The following ACTR3B variants were observed in gnomAD, a reference collection of about 807,000 sequenced individuals.
ACTR3B encodes actin related protein 3B.
A neutral mutation model predicts 59.0 loss-of-function variants in ACTR3B; 8 were observed. The observed-to-expected ratio is 0.14, with a 90% CI of 0.08 to 0.24. The LOEUF is 0.24. Among genes scored for constraint, ACTR3B ranks in the 10% least tolerant of loss-of-function variants. The pLI is 1.00. For missense variants in ACTR3B, 245 were observed against 552.3 expected (o/e 0.44, Z 5.58); for synonymous variants, 148 against 197.9 (o/e 0.75, Z 2.12).
chr7:152,813,823 C>A (rs2116818320), intron 4 of ACTR3B: 1 of 136,840 alleles, frequency 7.3e-6, no homozygotes, highest in South Asian at 2.6e-4. Context: ...GCTACCACGC[C>A]TGCCCCTGGA....
chr7:152,767,835 A>G (rs4725842), intron 1 of ACTR3B, among the ~76,000 whole-genome samples: 3,176 of 151,816 alleles, frequency 0.021, 102 homozygotes, highest in African/African-American at 0.072. Context: ...TTTTCATGGT[A>G]GTTACTCATT....
intron 8 of ACTR3B, 122 bp downstream of exon 8, chr7:152,823,637 T>C (rs2092693300): frequency 1.6e-6 from 2 of 1,243,264 alleles, no homozygotes; most frequent in African/African-American, 2.9e-5. Context: ...TCGGTCTCTC[T>C]GCATCCCCTG....
At chr7:152,808,986 T>C (rs35911504) in intron 4 of ACTR3B, among the ~76,000 whole-genome samples, 4,458 of 152,064 alleles carry the variant, frequency 0.029, 95 homozygotes, top group Middle Eastern at 0.097. Context: ...CTCTTACTCA[T>C]GTGCTTTAAA....
chr7:152,808,942 G>T (rs529721922), intron 4 of ACTR3B, among the ~76,000 whole-genome samples: 1 of 152,268 alleles, frequency 6.6e-6, no homozygotes, highest in East Asian at 1.9e-4. Flanking sequence ...TAGCTTAAGA[G>T]AGAGATTGTA....
intron 1 of ACTR3B, among the ~76,000 whole-genome samples, chr7:152,775,681 C>A (rs2116563939): frequency 6.6e-6 from 1 of 151,962 alleles, no homozygotes; most frequent in South Asian, 2.1e-4. Flanking sequence ...ATCGCTTGAA[C>A]CCAGGAGGCG....
intron 6 of ACTR3B, among the ~76,000 whole-genome samples, chr7:152,819,610 G>A (rs2689602): frequency 0.028 from 4,216 of 151,830 alleles, 92 homozygotes; most frequent in Middle Eastern, 0.099. Flanking sequence ...TCGGCCCAGG[G>A]CGTGGTCACC....
rs1409580278 is a variant in ACTR3B at position 152,836,474 on chromosome 7, C to A, written c.951+11352C>A. Among the ~76,000 whole-genome samples the A allele has an allele frequency of 3.3e-5, 5 of 151,938 alleles. No individual in the cohort carries two copies. The East Asian group carries it at 9.7e-4, about 30-fold the overall frequency. Reference sequence around the variant, plus strand: ...TGGTGGAACGCACCTGTGGTCCCAGCTACTTGGGAGGCTGAGGTGGGAGGA... The same window carrying A: ...TGGTGGAACGCACCTGTGGTCCCAGATACTTGGGAGGCTGAGGTGGGAGGA... On this transcript the variant is annotated intron_variant, in intron 9 of 11. Coordinates refer to ENST00000256001, the MANE Select transcript of ACTR3B (RefSeq NM_020445.6).
intron 2 of ACTR3B, among the ~76,000 whole-genome samples, chr7:152,787,100 A>G (rs1460822589): frequency 6.6e-6 from 1 of 152,140 alleles, no homozygotes; most frequent in Non-Finnish European, 1.5e-5. Context: ...CTAATTAGGT[A>G]TTGCCACGTT....
chr7:152,821,164 G>A (rs1796119393), intron 7 of ACTR3B, among the ~76,000 whole-genome samples: 2 of 152,122 alleles, frequency 1.3e-5, no homozygotes, highest in Non-Finnish European at 2.9e-5. Flanking sequence ...GGAAGACGTG[G>A]TCCCTTCCAT....
chr7:152,771,957 C>T (rs2689505), intron 1 of ACTR3B, among the ~76,000 whole-genome samples: 55 of 149,738 alleles, frequency 3.7e-4, no homozygotes, highest in African/African-American at 1.3e-3. Flanking sequence ...TCCAGCTACT[C>T]GGGAAGCTGA....
chr7:152,789,904 TAAAA>T (rs578155044), intron 2 of ACTR3B, among the ~76,000 whole-genome samples: 1 of 151,842 alleles, frequency 6.6e-6, no homozygotes, highest in African/African-American at 2.4e-5. Context: ...TTTTTTTAAT[TAAAA>T]AAATCATGAA....
At chr7:152,835,306 G>A (rs1797360246) in intron 9 of ACTR3B, among the ~76,000 whole-genome samples, 1 of 152,154 alleles carries the variant, frequency 6.6e-6, no homozygotes, top group South Asian at 2.1e-4. Context: ...AGGCTGAAGT[G>A]TAGTGCTTGA....
rs772763156 is a variant in ACTR3B at position 152,816,528 on chromosome 7, A to G, written c.480A>G (p.Glu160=). ...CTTGGACATCTCGACAAGTGGGTGA[A>G]CGTACGTTAACGGGGATAGTCATTG... ...AASWTSRQVG[E]RTLTGIVIDS... Residue 160 remains glutamate, a synonymous_variant, in exon 6 of 12, where the codon GAA becomes GAG. Coordinates refer to ENST00000256001, the MANE Select transcript of ACTR3B (RefSeq NM_020445.6). 1.9e-6 allele frequency: 3 copies of G among 1,607,840 alleles called. No individual in the cohort carries two copies. Among genetic ancestry groups the G allele is most frequent in the Non-Finnish European group, 2.5e-6 (3 of 1,176,886 alleles).
Position 152,852,152 on chromosome 7 carries a change from C to T in ACTR3B, c.978C>T (p.Thr326=). The change falls in exon 10 of 12, where the codon ACC becomes ACT. Residue 326 remains threonine, a synonymous_variant. Transcript: ENST00000256001. The part of the protein sequence containing the change: ...YKNVVLSGGS[T]MFRDFGRRLQ... ...ATGTCGTACTCTCAGGAGGCTCCAC[C>T]ATGTTCAGGGATTTCGGACGCCGAC... The T allele has an allele frequency of 6.2e-7, 1 of 1,614,054 alleles. No homozygotes were observed. The highest frequency in any genetic ancestry group is 8.5e-7 in the Non-Finnish European group (1 of 1,179,988).
At chr7:152,775,658 C>T (rs2098134598) in intron 1 of ACTR3B, among the ~76,000 whole-genome samples, 1 of 151,832 alleles carries the variant, frequency 6.6e-6, no homozygotes. Context: ...ACTCAGGAGG[C>T]TGAGGCAGGA....
At chr7:152,853,811 G>A in intron 11 of ACTR3B, among the ~76,000 whole-genome samples, 1 of 152,058 alleles carries the variant, frequency 6.6e-6, no homozygotes, top group Admixed American at 6.5e-5. Flanking sequence ...CCGCCTCCCG[G>A]GTTTAAGCAA....
chr7:152,838,098 G>A (rs1171976009), intron 9 of ACTR3B, among the ~76,000 whole-genome samples: 44 of 150,576 alleles, frequency 2.9e-4, no homozygotes, highest in African/African-American at 9.6e-4. Context: ...GGTGGTTGGT[G>A]GTAAGAATGG....
intron 4 of ACTR3B, among the ~76,000 whole-genome samples, chr7:152,803,202 GC>G (rs2098242321): frequency 6.6e-6 from 1 of 152,108 alleles, no homozygotes; most frequent in African/African-American, 2.4e-5. Flanking sequence ...GAAGCCACTA[GC>G]CTGGCTAATT....
chr7:152,822,875 C>T (rs1213679443), intron 7 of ACTR3B, among the ~76,000 whole-genome samples: 2 of 152,168 alleles, frequency 1.3e-5, no homozygotes, highest in Non-Finnish European at 2.9e-5. Flanking sequence ...CGTGCTGGGA[C>T]CCAAATGGGA....
Sources: allele counts gnomAD v4.1 joint callset (sites outside exome capture counted in the v4.1 genomes callset), GRCh38; gene constraint gnomAD v4.1.1; transcripts MANE v1.5; gene names NCBI Gene and HGNC (gene_info 2026-07-23, HGNC 2026-07-21).